PPFIA2: variants seen among roughly 807,000 people sequenced by gnomAD.
The protein encoded by PPFIA2 is PPFI scaffold protein A2, also known as liprin-alpha-2.
PPFIA2 carries 46 observed loss-of-function variants against 175.5 expected under a neutral mutation model. The ratio of observed to expected loss-of-function variants is 0.26; its 90% CI spans 0.21 to 0.34. The LOEUF (loss-of-function observed/expected upper bound fraction) is 0.34. PPFIA2 is among the 10% of genes least tolerant of loss of function. PPFIA2 has a pLI of 1.00. For synonymous variants in PPFIA2, 568 were observed against 511.4 expected (o/e 1.11, Z -1.49); for missense variants, 1,179 against 1,506.1 (o/e 0.78, Z 3.60).
At chr12:81,522,578 G>T (rs1168388792) in intron 4 of PPFIA2, among the ~76,000 whole-genome samples, 1 of 152,176 alleles carries the variant, frequency 6.6e-6, no homozygotes, top group African/African-American at 2.4e-5. Context: ...TGCTAGCTCA[G>T]TGCTATAATT....
At chr12:81,697,168 A>G (rs761349012) in intron 3 of PPFIA2, among the ~76,000 whole-genome samples, 1 of 152,128 alleles carries the variant, frequency 6.6e-6, no homozygotes, top group African/African-American at 2.4e-5. Context: ...TAAGCATAAA[A>G]AGTAAAACAT....
chr12:81,316,204 C>T (rs2052319763), intron 22 of PPFIA2, among the ~76,000 whole-genome samples: 1 of 151,334 alleles, frequency 6.6e-6, no homozygotes, highest in Non-Finnish European at 1.5e-5. Flanking sequence ...TAATTACTGC[C>T]CTTCTTAGAA....
chr12:81,294,192 C>T (rs1308622287), intron 24 of PPFIA2, among the ~76,000 whole-genome samples: 4 of 152,080 alleles, frequency 2.6e-5, no homozygotes, highest in Admixed American at 1.3e-4. Flanking sequence ...TTGGGTACAA[C>T]GTTCACTATT....
At chr12:81,519,845 C>G (rs1169823613) in intron 4 of PPFIA2, among the ~76,000 whole-genome samples, 2 of 152,144 alleles carry the variant, frequency 1.3e-5, no homozygotes, top group African/African-American at 4.8e-5. Context: ...CAGTAAATGT[C>G]TGAAAACAGG....
rs1491417980 is a variant in PPFIA2, at chr12:81,642,657, T to TATATGATATA, written c.303+34133_303+34134insTATATCATAT. The stretch of plus-strand genomic sequence containing the variant: ...TCTATTATATACATACATGTATGTA[T>TATATGATATA]CTATTATATACATACATGTATGTAT... On this transcript the variant is annotated intron_variant, in intron 4 of 32. Coordinates refer to ENST00000549396, the MANE Select transcript of PPFIA2 (RefSeq NM_003625.5). 1.4e-4 allele frequency among the ~76,000 whole-genome samples: 16 copies of TATATGATATA among 114,370 alleles called. 2 individuals are homozygous for TATATGATATA. Among genetic ancestry groups the TATATGATATA allele is most frequent in the African/African-American group, 4.6e-4 (15 of 32,402 alleles). The allele number at this position is 114,370 out of a possible 152,430, so 75.0% of individuals were successfully genotyped here.
At chr12:81,397,461 T>A (rs971626599) in intron 8 of PPFIA2, among the ~76,000 whole-genome samples, 12 of 152,038 alleles carry the variant, frequency 7.9e-5, no homozygotes, top group Non-Finnish European at 1.2e-4. Context: ...AGAAAACTAT[T>A]AACTATGTCA....
At position 81,475,843 on chromosome 12, in the gene PPFIA2, C is replaced by A. The variant is rs144714354; in HGVS notation, c.304-17977G>T. Among the ~76,000 whole-genome samples, 8 of 152,268 alleles carry A rather than the reference C, an allele frequency of 5.3e-5. No individual in the cohort carries two copies. The East Asian group carries it at 1.5e-3, about 29-fold the overall frequency. The stretch of plus-strand genomic sequence containing the variant: ...TTCTCCTTCTCAGCCTCCAGAGTAG[C>A]TGGGACTACAGGTGCCCGCCACCAA... On this transcript the variant is annotated intron_variant, in intron 4 of 32. Coordinates refer to ENST00000549396, the MANE Select transcript of PPFIA2 (RefSeq NM_003625.5).
At chr12:81,469,754 A>G (rs1362098152) in intron 4 of PPFIA2, among the ~76,000 whole-genome samples, 4 of 152,214 alleles carry the variant, frequency 2.6e-5, no homozygotes, top group African/African-American at 9.7e-5. Flanking sequence ...TGTGTCACCA[A>G]ATGCATATGT....
At chr12:81,314,355 G>A (rs1408320441) in intron 22 of PPFIA2, among the ~76,000 whole-genome samples, 1 of 151,578 alleles carries the variant, frequency 6.6e-6, no homozygotes, top group Non-Finnish European at 1.5e-5. Context: ...TTCTCTCCAT[G>A]TCAGAAGTGT....
At chr12:81,666,448 C>A (rs906264789) in intron 4 of PPFIA2, among the ~76,000 whole-genome samples, 4 of 152,276 alleles carry the variant, frequency 2.6e-5, no homozygotes, top group Non-Finnish European at 5.9e-5. Flanking sequence ...ATGATGAGTT[C>A]ATGTCCTTTG....
At chr12:81,740,694 C>T (rs1005617109) in intron 3 of PPFIA2, among the ~76,000 whole-genome samples, 22 of 152,010 alleles carry the variant, frequency 1.4e-4, no homozygotes, top group Non-Finnish European at 3.1e-4. Flanking sequence ...CATAAACATG[C>T]TAATATTAAG....
intron 21 of PPFIA2, among the ~76,000 whole-genome samples, chr12:81,331,867 TC>T (rs1271796170): frequency 6.6e-6 from 1 of 152,154 alleles, no homozygotes; most frequent in African/African-American, 2.4e-5. Context: ...TCCTAACCAT[TC>T]ACTATTGACA....
intron 4 of PPFIA2, among the ~76,000 whole-genome samples, chr12:81,615,015 G>A (rs1435838720): frequency 6.6e-6 from 1 of 152,178 alleles, no homozygotes; most frequent in East Asian, 1.9e-4. Context: ...TGTGTGACAC[G>A]GATTTTAAAT....
At chr12:81,356,664 A>C (rs1028630660) in intron 16 of PPFIA2, among the ~76,000 whole-genome samples, 15 of 152,212 alleles carry the variant, frequency 9.9e-5, no homozygotes, top group Middle Eastern at 6.8e-3. Flanking sequence ...CCCTGTCTCA[A>C]AAAAATAAAA....
chr12:81,609,894 T>C (rs1384343957), intron 4 of PPFIA2, among the ~76,000 whole-genome samples: 2 of 152,178 alleles, frequency 1.3e-5, no homozygotes, highest in African/African-American at 4.8e-5. Context: ...TAAATGTGTT[T>C]TTGTGGTAGC....
At chr12:81,713,042 C>T (rs2078146770) in intron 3 of PPFIA2, among the ~76,000 whole-genome samples, 1 of 151,176 alleles carries the variant, frequency 6.6e-6, no homozygotes. Flanking sequence ...CTTCTTTGCT[C>T]ATAATACAAT....
At position 81,710,567 on chromosome 12, in the gene PPFIA2, T is replaced by G. The variant is rs550451351; in HGVS notation, c.250-33723A>C. On this transcript the variant is annotated intron_variant, in intron 3 of 32. Transcript: ENST00000549396. ...TATCTGAAATGCTTAAAATCAGAAG[T>G]GTTTCAGATTGAGTATTTTTTAGGA... is the stretch of plus-strand genomic sequence containing the variant. Among the ~76,000 whole-genome samples, 44 of 152,160 alleles carry G rather than the reference T, an allele frequency of 2.9e-4. 1 individual carries two copies. Among genetic ancestry groups the G allele is most frequent in the South Asian group, 2.7e-3 (13 of 4,824 alleles).
chr12:81,458,663 T>C (rs1399849438), intron 4 of PPFIA2, among the ~76,000 whole-genome samples: 1 of 152,166 alleles, frequency 6.6e-6, no homozygotes, highest in Non-Finnish European at 1.5e-5. Context: ...GGATCAGAGA[T>C]CATATGATAT....
Position 81,521,927 on chromosome 12 carries a change from T to C in PPFIA2, c.304-64061A>G, listed in dbSNP as rs4842395. Among the ~76,000 whole-genome samples the C allele has an allele frequency of 2.9e-3, 448 of 152,316 alleles. 6 individuals carry two copies. Among genetic ancestry groups the C allele is most frequent in the Admixed American group, 0.02 (301 of 15,304 alleles). ...CTCAATTTTGTTTATAAAGTTTACA[T>C]TGTAGATTGTTACATAAAGGATTAA... On this transcript the variant is annotated intron_variant, in intron 4 of 32. Transcript: ENST00000549396.
Sources: gnomAD v4.1 joint callset for allele counts (sites outside exome capture counted in the v4.1 genomes callset) on GRCh38, gnomAD v4.1.1 for gene constraint, MANE v1.5 for transcripts, NCBI Gene and HGNC (gene_info 2026-07-23, HGNC 2026-07-21) for gene names.